Variants in XPNPEP3 observed in about 807,000 individuals in gnomAD.
XPNPEP3 encodes the protein X-prolyl aminopeptidase 3.
XPNPEP3 carries 41 observed loss-of-function variants against 60.0 expected under a neutral mutation model. The ratio of observed to expected loss-of-function variants is 0.68; its 90% CI spans 0.53 to 0.89. XPNPEP3 has a LOEUF of 0.89. Among genes scored for constraint, XPNPEP3 ranks in the 40% least tolerant of loss-of-function variants. The probability of loss-of-function intolerance (pLI) is 0.00; values close to 1 mark genes in which losing one functional copy is unlikely to be tolerated. For synonymous variants in XPNPEP3, 212 were observed against 223.2 expected, an observed-to-expected ratio of 0.95 and a Z score of 0.45; for missense variants, 598 against 638.9, an observed-to-expected ratio of 0.94 and a Z score of 0.69.
chr22:40,881,712 C>T lies in XPNPEP3; in HGVS notation c.182-58C>T, dbSNP rs1210374818. The T allele has an allele frequency of 1.3e-5, 21 of 1,587,436 alleles. No homozygotes were observed. In the East Asian group the frequency reaches 1.6e-4, roughly 12 times the overall value. On this transcript the variant is annotated intron_variant, in intron 2 of 9. Coordinates refer to ENST00000357137, the MANE Select transcript of XPNPEP3 (RefSeq NM_022098.4). Reference sequence around the variant, plus strand: ...AGTATTTCCATCTAATATTAAACTACCTTAAGTACTTTGGCACTGCAGAAA... The same window carrying T: ...AGTATTTCCATCTAATATTAAACTATCTTAAGTACTTTGGCACTGCAGAAA...
At chr22:40,862,321 C>G in intron 1 of XPNPEP3, 1 of 1,038,688 alleles carries the variant, frequency 9.6e-7, no homozygotes, top group Non-Finnish European at 1.2e-6. Context: ...CTGGAAGCTT[C>G]AGGCAGTGCC....
chr22:40,894,450 G>A (rs2065853390), intron 4 of XPNPEP3, among the ~76,000 whole-genome samples: 1 of 152,110 alleles, frequency 6.6e-6, no homozygotes, highest in South Asian at 2.1e-4. Context: ...AGTGGTTACT[G>A]CAGTCAAGCA....
At chr22:40,861,161 A>T (rs1350005395) in intron 1 of XPNPEP3, 3 of 1,613,138 alleles carry the variant, frequency 1.9e-6, no homozygotes, top group African/African-American at 1.3e-5. Context: ...AAATAGGGGG[A>T]TCTCTGTTGC....
At chr22:40,925,375 CAG>C (rs879805972) in intron 9 of XPNPEP3, among the ~76,000 whole-genome samples, 2 of 152,166 alleles carry the variant, frequency 1.3e-5, no homozygotes, top group Admixed American at 6.5e-5. Flanking sequence ...GTTTTGAAAA[CAG>C]ATCTAAATTT....
rs1707764949 is a variant in XPNPEP3, at chr22:40,924,472, A to G, written c.1347A>G (p.Thr449=). Residue 449 remains threonine (T), a synonymous_variant, in exon 9 of 10, where the codon ACA becomes ACG. Transcript: ENST00000357137. ...CTCTGCAGCCTGGGATGGTAATCAC[A>G]ATTGAGCCCGGTAAGGAGAGGTGTT... is the stretch of plus-strand genomic sequence containing the variant. ...SLPLQPGMVI[T]IEPGIYIPED... is the part of the protein sequence containing the mutation. The G allele has an allele frequency of 6.2e-7, 1 of 1,614,166 alleles. No homozygotes were observed. The highest frequency in any genetic ancestry group is 8.5e-7 in the Non-Finnish European group (1 of 1,180,034).
intron 1 of XPNPEP3, among the ~76,000 whole-genome samples, chr22:40,863,661 AC>A (rs2145769699): frequency 6.6e-6 from 1 of 152,290 alleles, no homozygotes; most frequent in Non-Finnish European, 1.5e-5. Context: ...TAATTTGCCT[AC>A]CACTGGAAAT....
At chr22:40,881,250 T>C (rs1484529871) in intron 2 of XPNPEP3, among the ~76,000 whole-genome samples, 2 of 152,000 alleles carry the variant, frequency 1.3e-5, no homozygotes, top group Non-Finnish European at 2.9e-5. Context: ...GGTTTTACCA[T>C]GTTGGCCGGG....
At chr22:40,876,490 T>C (rs1219925897) in intron 2 of XPNPEP3, among the ~76,000 whole-genome samples, 2 of 152,254 alleles carry the variant, frequency 1.3e-5, no homozygotes, top group East Asian at 3.8e-4. Flanking sequence ...AAGTCAGTGC[T>C]ATTGTTATTT....
intron 2 of XPNPEP3, among the ~76,000 whole-genome samples, chr22:40,873,828 A>G (rs1055248430): frequency 3.3e-5 from 5 of 152,110 alleles, no homozygotes; most frequent in African/African-American, 7.2e-5. Flanking sequence ...AAATAAATAA[A>G]TAAATATAAT....
intron 6 of XPNPEP3, among the ~76,000 whole-genome samples, chr22:40,912,004 C>T (rs1259713262): frequency 6.6e-6 from 1 of 152,152 alleles, no homozygotes; most frequent in Admixed American, 6.5e-5. Context: ...GAGATTCCAG[C>T]TGTCTTCTGT....
intron 8 of XPNPEP3, among the ~76,000 whole-genome samples, chr22:40,923,149 G>A (rs2058222966): frequency 6.6e-6 from 1 of 151,310 alleles, no homozygotes; most frequent in African/African-American, 2.4e-5. Context: ...GAAGTTCAAC[G>A]CTGCAGTGAG....
intron 2 of XPNPEP3, among the ~76,000 whole-genome samples, chr22:40,873,837 A>G (rs528113724): frequency 6.6e-6 from 1 of 152,224 alleles, no homozygotes; most frequent in African/African-American, 2.4e-5. Context: ...AATAAATATA[A>G]TGGCAGAGAC....
chr22:40,867,364 C>A (rs1290737238), intron 1 of XPNPEP3, among the ~76,000 whole-genome samples: 1 of 152,132 alleles, frequency 6.6e-6, no homozygotes, highest in African/African-American at 2.4e-5. Flanking sequence ...CAATACTGTA[C>A]AATCTCCTTG....
At chr22:40,910,160 A>G (rs933849212) in intron 6 of XPNPEP3, among the ~76,000 whole-genome samples, 1 of 152,164 alleles carries the variant, frequency 6.6e-6, no homozygotes, top group East Asian at 1.9e-4. Flanking sequence ...ACGAATACCC[A>G]TGAACCAAGC....
At chr22:40,868,934 G>C (rs1340068548) in intron 1 of XPNPEP3, 65 bp from the exon 2 acceptor site, 25 of 1,283,148 alleles carry the variant, frequency 1.9e-5, no homozygotes, top group Non-Finnish European at 2.7e-5. Flanking sequence ...AGAGATAAGT[G>C]TATTTATACC....
chr22:40,870,003 A>C, intron 2 of XPNPEP3: 1 of 470,516 alleles, frequency 2.1e-6, no homozygotes, highest in South Asian at 1.6e-5. Flanking sequence ...GAATGATACC[A>C]GTATGTTTCT....
chr22:40,898,224 CATTTT>C (rs2058116881), intron 4 of XPNPEP3, among the ~76,000 whole-genome samples: 2 of 70,228 alleles, frequency 2.8e-5, no homozygotes, highest in Non-Finnish European at 5.5e-5. Flanking sequence ...GTCTTTGACC[CATTTT>C]TTTTTTTTTT....
intron 2 of XPNPEP3, among the ~76,000 whole-genome samples, chr22:40,871,443 A>T (rs1379827283): frequency 6.6e-6 from 1 of 152,186 alleles, no homozygotes; most frequent in Non-Finnish European, 1.5e-5. Flanking sequence ...AAAAGGTTTC[A>T]TGTTTTGCAT....
intron 1 of XPNPEP3, chr22:40,861,374 A>C: frequency 6.2e-7 from 1 of 1,613,762 alleles, no homozygotes; most frequent in Non-Finnish European, 8.5e-7. Flanking sequence ...TTTCTTGATC[A>C]CTTTCAATAA....
Sources: gnomAD v4.1 joint callset for allele counts (sites outside exome capture counted in the v4.1 genomes callset) on GRCh38, gnomAD v4.1.1 for gene constraint, MANE v1.5 for transcripts, NCBI Gene and HGNC (gene_info 2026-07-23, HGNC 2026-07-21) for gene names.